Variants in SMYD3 observed in about 807,000 individuals in gnomAD.
SMYD3 encodes SET and MYND domain containing 3, also known as histone-lysine N-methyltransferase SMYD3.
In SMYD3, 36 loss-of-function variants were observed where a neutral mutation model predicts 57.7. The ratio of observed to expected loss-of-function variants is 0.62; its 90% CI spans 0.48 to 0.82. SMYD3 has a LOEUF of 0.82. SMYD3 is among the 40% of genes least tolerant of loss of function. SMYD3 has a pLI of 0.00. For missense variants in SMYD3, 515 were observed against 538.8 expected, an observed-to-expected ratio of 0.96 and a Z score of 0.44; for synonymous variants, 211 against 195.0, an observed-to-expected ratio of 1.08 and a Z score of -0.68.
chr1:246,403,257 G>T (rs1572466417), intron 1 of SMYD3, among the ~76,000 whole-genome samples: 1 of 152,098 alleles, frequency 6.6e-6, no homozygotes, highest in African/African-American at 2.4e-5. Context: ...AATTTGGGAG[G>T]CCTTGGTAGG....
At chr1:246,470,654 T>C (rs1261681882) in intron 1 of SMYD3, among the ~76,000 whole-genome samples, 1 of 151,328 alleles carries the variant, frequency 6.6e-6, no homozygotes, top group Admixed American at 6.6e-5. Context: ...TGTATGTGTA[T>C]ATATACAGTG....
intron 5 of SMYD3, among the ~76,000 whole-genome samples, chr1:246,023,412 T>C (rs2059508766): frequency 6.6e-6 from 1 of 152,206 alleles, no homozygotes; most frequent in East Asian, 1.9e-4. Context: ...TTCAAAGATA[T>C]GACAGAGAAT....
intron 10 of SMYD3, among the ~76,000 whole-genome samples, chr1:245,775,715 T>TAAAAAAA (rs749327071): frequency 9.1e-6 from 1 of 109,960 alleles, no homozygotes; most frequent in Non-Finnish European, 1.9e-5. Context: ...CAATAAATAC[T>TAAAAAAA]AAAAAAAAAA....
intron 8 of SMYD3, among the ~76,000 whole-genome samples, chr1:245,894,161 A>T (rs1448097255): frequency 1.3e-5 from 2 of 152,206 alleles, no homozygotes; most frequent in African/African-American, 4.8e-5. Context: ...GTAGCTAGCT[A>T]GACGTTTGTA....
intron 5 of SMYD3, among the ~76,000 whole-genome samples, chr1:246,326,547 G>A (rs937486151): frequency 2.0e-5 from 3 of 151,396 alleles, no homozygotes; most frequent in African/African-American, 7.3e-5. Context: ...GCCGAGGCGG[G>A]TGGATCACCT....
chr1:245,926,862 G>GA (rs893933499), intron 7 of SMYD3, among the ~76,000 whole-genome samples: 6 of 151,714 alleles, frequency 4.0e-5, no homozygotes, highest in Admixed American at 6.6e-5. Context: ...TGCGGCCCCA[G>GA]AAAAAAAAGA....
intron 10 of SMYD3, among the ~76,000 whole-genome samples, chr1:245,781,553 C>G (rs983441374): frequency 7.9e-5 from 12 of 152,282 alleles, no homozygotes; most frequent in Admixed American, 2.0e-4. Flanking sequence ...TGCAAGTAAC[C>G]CCATTTCCAT....
Position 245,976,953 on chromosome 1 carries a change from AGCCTAGGGAAAGCCATCGTCTCCG to A in SMYD3, c.532-47040_532-47017del, listed in dbSNP as rs1558551038. ...TAGCCTAGGGAAAGCCATCGTCTCTAGCCTAGGGAAAGCCATCGTCTCCGGCCCAGGGAAAGCCATCGTCTCTAG... is the reference window on the plus strand; with the variant it reads ...TAGCCTAGGGAAAGCCATCGTCTCTAGCCCAGGGAAAGCCATCGTCTCTAG... On this transcript the variant is annotated intron_variant, in intron 5 of 11. Transcript: ENST00000490107. 1.2e-3 allele frequency among the ~76,000 whole-genome samples: 29 copies of A among 23,876 alleles called. 3 individuals carry two copies. Among genetic ancestry groups the A allele is most frequent in the African/African-American group, 2.8e-3 (22 of 7,812 alleles). 15.7% of individuals were successfully genotyped at this position (23,876 alleles called of 152,430 possible).
intron 10 of SMYD3, among the ~76,000 whole-genome samples, chr1:245,773,469 G>A (rs1223935864): frequency 1.3e-5 from 2 of 152,170 alleles, no homozygotes; most frequent in African/African-American, 2.4e-5. Flanking sequence ...TCTCATGCCC[G>A]CGAGCAGCCT....
intron 8 of SMYD3, among the ~76,000 whole-genome samples, chr1:245,873,938 A>G (rs905536748): frequency 6.6e-6 from 1 of 152,158 alleles, no homozygotes; most frequent in African/African-American, 2.4e-5. Context: ...CCCAGGTGAG[A>G]ACTACATTAG....
chr1:246,320,632 C>T (rs2065230288), intron 5 of SMYD3, among the ~76,000 whole-genome samples: 1 of 152,036 alleles, frequency 6.6e-6, no homozygotes, highest in South Asian at 2.1e-4. Context: ...TCAGATTTTA[C>T]CACATTTCTA....
At chr1:246,252,642 A>T (rs1572282809) in intron 5 of SMYD3, among the ~76,000 whole-genome samples, 1 of 152,354 alleles carries the variant, frequency 6.6e-6, no homozygotes, top group Admixed American at 6.5e-5. Context: ...CACTGGGTAC[A>T]AACCACCTGG....
At chr1:246,447,908 C>T (rs1210153419) in intron 1 of SMYD3, among the ~76,000 whole-genome samples, 1 of 152,214 alleles carries the variant, frequency 6.6e-6, no homozygotes, top group African/African-American at 2.4e-5. Flanking sequence ...TACCCTTCCC[C>T]AGATTCAACA....
rs765166507 is a variant in SMYD3 at position 245,858,716 on chromosome 1, AAAC to A, written c.902-49_902-47del. The A allele has an allele frequency of 1.2e-5, 19 of 1,575,526 alleles. No homozygotes were observed. In the Admixed American group the frequency reaches 3.1e-4, roughly 26 times the overall value. ...GGATTCATTGTCTTCATCAAGAAAA[AAAC>A]AAACAAAATTAGATTCTCTAAAAGG... On this transcript the variant is annotated intron_variant, in intron 9 of 11. Transcript: ENST00000490107.
chr1:246,363,893 G>C (rs1433083722), intron 1 of SMYD3, among the ~76,000 whole-genome samples: 1 of 151,552 alleles, frequency 6.6e-6, no homozygotes, highest in Non-Finnish European at 1.5e-5. Flanking sequence ...ATCCCCCTCT[G>C]TGAGAAACAC....
intron 1 of SMYD3, among the ~76,000 whole-genome samples, chr1:246,497,973 T>C (rs1029983189): frequency 2.6e-5 from 4 of 152,070 alleles, no homozygotes; most frequent in Non-Finnish European, 4.4e-5. Flanking sequence ...CATGAAAAGA[T>C]GTTTAACTTC....
intron 11 of SMYD3, among the ~76,000 whole-genome samples, chr1:245,752,837 T>C (rs1053454910): frequency 6.6e-6 from 1 of 152,146 alleles, no homozygotes; most frequent in Non-Finnish European, 1.5e-5. Flanking sequence ...AATACCCTCA[T>C]GTTATGGAAG....
At chr1:246,229,819 C>T (rs966345596) in intron 5 of SMYD3, among the ~76,000 whole-genome samples, 6 of 152,200 alleles carry the variant, frequency 3.9e-5, no homozygotes, top group South Asian at 2.1e-4. Context: ...AATTTCAACA[C>T]GCATTTTGGA....
intron 5 of SMYD3, among the ~76,000 whole-genome samples, chr1:246,132,866 C>G (rs988760555): frequency 6.6e-6 from 1 of 152,052 alleles, no homozygotes; most frequent in African/African-American, 2.4e-5. Context: ...AAATTGCCAA[C>G]AATCACATGA....
Sources: allele counts gnomAD v4.1 joint callset (sites outside exome capture counted in the v4.1 genomes callset), GRCh38; gene constraint gnomAD v4.1.1; transcripts MANE v1.5; gene names NCBI Gene and HGNC (gene_info 2026-07-23, HGNC 2026-07-21).